SBNO2: variants seen among roughly 807,000 people sequenced by gnomAD.
The protein encoded by SBNO2 is protein strawberry notch homolog 2.
Under a neutral mutation model 146.3 loss-of-function variants are expected in SBNO2, and 89 were observed. The ratio of observed to expected loss-of-function variants is 0.61; its 90% CI spans 0.51 to 0.73. SBNO2 has a LOEUF of 0.73. SBNO2 is among the 30% of genes least tolerant of loss of function. The pLI, the probability that SBNO2 is intolerant of heterozygous loss-of-function variation, is 0.00. For synonymous variants in SBNO2, 1,147 were observed against 892.6 expected (o/e 1.29, Z -5.08); for missense variants, 2,092 against 2,003.7 (o/e 1.04, Z -0.84).
intron 10 of SBNO2, 38 bp downstream of exon 10, chr19:1,122,430 C>G (rs1324368720): frequency 6.5e-7 from 1 of 1,544,650 alleles, no homozygotes; most frequent in Non-Finnish European, 8.7e-7. Context: ...GGGCACGGTC[C>G]CCACCTTGCC....
chr19:1,109,783 G>A lies in SBNO2; in HGVS notation c.3029-6C>T, dbSNP rs760864994. ...CTCGATACCGGGAGCAAGGTCTAGG[G>A]GGGCGGGTGGAGGGTAAGTGGTGTC... is the stretch of plus-strand genomic sequence containing the variant. On this transcript the variant is annotated splice_region_variant and splice_polypyrimidine_tract_variant and intron_variant, in intron 26 of 31. Transcript: ENST00000361757. This position sits in a 1 kb window ranked among gnomAD's most constrained non-coding sequence, Gnocchi z 4.2. The A allele has an allele frequency of 3.2e-6, 5 of 1,577,502 alleles. No individual in the cohort carries two copies. The highest frequency in any genetic ancestry group is 2.3e-5 in the East Asian group (1 of 44,430).
intron 12 of SBNO2, 64 bp from the exon 13 acceptor site, chr19:1,119,685 G>C: frequency 7.1e-7 from 1 of 1,400,092 alleles, no homozygotes; most frequent in Non-Finnish European, 9.9e-7. Context: ...GTCAGGGGAC[G>C]ACTAAGTTGG....
rs1348101346 is a variant in SBNO2, at chr19:1,119,218, C to T, written c.1374-54G>A. On this transcript the variant is annotated intron_variant, in intron 13 of 31. Coordinates refer to ENST00000361757, the MANE Select transcript of SBNO2 (RefSeq NM_014963.3). ...CGGCCAGAGCCCGTGGGGATGGAGCCACTCGGAGCGCGAGGCAGAGCCAGT... is the reference window on the plus strand; with the variant it reads ...CGGCCAGAGCCCGTGGGGATGGAGCTACTCGGAGCGCGAGGCAGAGCCAGT... 4 of 1,547,122 alleles carry T rather than the reference C, an allele frequency of 2.6e-6. No individual in the cohort carries two copies. In the Admixed American group the frequency reaches 5.5e-5, roughly 21 times the overall value.
chr19:1,121,054 G>A (rs1238441701), intron 11 of SBNO2, among the ~76,000 whole-genome samples: 5 of 152,158 alleles, frequency 3.3e-5, no homozygotes, highest in Non-Finnish European at 5.9e-5. Context: ...ACCACGCCCA[G>A]CTAACTTTTG....
chr19:1,122,592 T>TGCCCCCCCCCCCCCCCCCAACCCCCCCC, intron 9 of SBNO2, 34 bp from the exon 10 acceptor site: 1 of 1,455,726 alleles, frequency 6.9e-7, no homozygotes, highest in Middle Eastern at 2.4e-4. Flanking sequence ...CGCCCACCCT[T>TGCCCCCCCCCCCCCCCCCAACCCCCCCC]CCCCCTCGCC....
At chr19:1,145,583 G>T (rs557832168) in intron 4 of SBNO2, among the ~76,000 whole-genome samples, 1 of 152,270 alleles carries the variant, frequency 6.6e-6, no homozygotes, top group South Asian at 2.1e-4. Flanking sequence ...GGCTGACCCA[G>T]GGCTGGGGCT....
At position 1,108,788 on chromosome 19, in the gene SBNO2, T is replaced by C; in HGVS notation, c.3607A>G (p.Lys1203Glu). The C allele has an allele frequency of 6.2e-7, 1 of 1,602,820 alleles. No homozygotes were observed. The highest frequency in any genetic ancestry group is 8.5e-7 in the Non-Finnish European group (1 of 1,178,866). ...IVRLKTKDRK[K>E]QVGIKIPEGC... ...CCCGCCGCCCACTCACCCACTTGCTTCTTCCTGTCCTTGGTCTTCAGCCGC... is the reference window on the plus strand; with the variant it reads ...CCCGCCGCCCACTCACCCACTTGCTCCTTCCTGTCCTTGGTCTTCAGCCGC... Residue 1203 changes from lysine to glutamate, a missense_variant, in exon 31 of 32, where the codon AAG becomes GAG. By Grantham distance (56) the Lys-to-Glu change is moderately conservative (BLOSUM62 1). Coordinates refer to ENST00000361757, the MANE Select transcript of SBNO2 (RefSeq NM_014963.3).
rs1195248134 is a variant in SBNO2, at chr19:1,108,900, G to A, written c.3495C>T (p.Tyr1165=). ...CGCGCAGCAGCGCGCCGCACAGCAT[G>A]TAGTGGTGCCGCAGCCGCAGCCCCT... ...CLQGLRLRHH[Y]MLCGALLRVW... The change falls in exon 31 of 32, where the codon TAC becomes TAT. Residue 1165 remains tyrosine, a synonymous_variant. Transcript: ENST00000361757. 1 of 1,584,422 alleles carries A rather than the reference G, an allele frequency of 6.3e-7. No individual in the cohort carries two copies.
intron 1 of SBNO2, among the ~76,000 whole-genome samples, chr19:1,156,824 G>A (rs1019414851): frequency 7.0e-5 from 10 of 141,908 alleles, no homozygotes; most frequent in East Asian, 2.4e-4. Flanking sequence ...CGTGGGTGCC[G>A]GGCTGGGGCG....
chr19:1,117,616 G>T, intron 14 of SBNO2, 117 bp from the exon 15 acceptor site: 2 of 1,077,700 alleles, frequency 1.9e-6, no homozygotes, highest in Non-Finnish European at 2.6e-6. Flanking sequence ...GGAATTTAGG[G>T]CAGGATGGGG....
chr19:1,159,276 C>T (rs2145327909), intron 1 of SBNO2, among the ~76,000 whole-genome samples: 1 of 151,980 alleles, frequency 6.6e-6, no homozygotes, highest in African/African-American at 2.4e-5. Flanking sequence ...GGGCAGGCCC[C>T]AACTCGGCCG....
intron 18 of SBNO2, among the ~76,000 whole-genome samples, chr19:1,113,919 G>A (rs1243602097): frequency 6.6e-6 from 1 of 152,198 alleles, no homozygotes; most frequent in Non-Finnish European, 1.5e-5. Context: ...TCCTGTCGCG[G>A]ACCAAACACT....
rs1411207349 is a variant in SBNO2, at chr19:1,110,810, G to C, written c.2963C>G (p.Ser988Ter). ...HKQNALFQYF[S>*]DTFDHLIEMD... ...CTCGATGAGGTGGTCGAAGGTGTCT[G>C]AGAAGTACTGGAACAGGGCGTTCTG... The change falls in exon 26 of 32, where the codon TCA becomes TGA. Residue 988 changes from serine to a stop codon, truncating the protein, a stop_gained. Coordinates refer to ENST00000361757, the MANE Select transcript of SBNO2 (RefSeq NM_014963.3). LOFTEE classifies it high-confidence loss of function. This position sits in a 1 kb window ranked among gnomAD's most constrained non-coding sequence, Gnocchi z 4.9. 1 of 1,613,694 alleles carries C rather than the reference G, an allele frequency of 6.2e-7. No homozygotes were observed. Among genetic ancestry groups the C allele is most frequent in the Non-Finnish European group, 8.5e-7 (1 of 1,179,736 alleles).
chr19:1,133,645 C>T (rs965378606), intron 4 of SBNO2, among the ~76,000 whole-genome samples: 3 of 152,312 alleles, frequency 2.0e-5, no homozygotes, highest in East Asian at 1.9e-4. Flanking sequence ...CCAGGCACCC[C>T]GCCCGCCAAT....
chr19:1,141,625 C>T (rs564668332), intron 4 of SBNO2, among the ~76,000 whole-genome samples: 3 of 151,780 alleles, frequency 2.0e-5, no homozygotes, highest in South Asian at 2.1e-4. Context: ...GCGTCCATCA[C>T]GGACAAACAC....
At chr19:1,134,633 G>T (rs1337290259) in intron 4 of SBNO2, among the ~76,000 whole-genome samples, 1 of 152,144 alleles carries the variant, frequency 6.6e-6, no homozygotes, top group Admixed American at 6.5e-5. Context: ...CAGGTTATCA[G>T]GGGGTGGGGA....
rs2079779113 is a variant in SBNO2 at position 1,112,626 on chromosome 19, A to AGGTC, written c.2380-93_2380-90dup. 2.0e-6 allele frequency: 3 copies of AGGTC among 1,470,890 alleles called. No homozygotes were observed. The South Asian group carries it at 4.0e-5, about 20-fold the overall frequency. 91.1% of individuals were successfully genotyped at this position (1,470,890 alleles called of 1,614,324 possible). On this transcript the variant is annotated intron_variant, in intron 20 of 31. Coordinates refer to ENST00000361757, the MANE Select transcript of SBNO2 (RefSeq NM_014963.3). The surrounding 1 kb of genome is among the most constrained non-coding windows in gnomAD (Gnocchi z 5.9). ...TCCTCACCCACTAGGCCCCCGCTCC[A>AGGTC]GGTCACCAGGACGTCCCGGGGCAGC...
At chr19:1,141,087 CGGA>C (rs898171173) in intron 4 of SBNO2, among the ~76,000 whole-genome samples, 12 of 151,546 alleles carry the variant, frequency 7.9e-5, no homozygotes, top group Admixed American at 2.6e-4. Flanking sequence ...AGAGGCACTC[CGGA>C]GAAGACGCGC....
chr19:1,122,600 GCCCCCCGCTTCCGC>G, intron 9 of SBNO2, 42 bp from the exon 10 acceptor site: 8 of 479,592 alleles, frequency 1.7e-5, no homozygotes, highest in Non-Finnish European at 2.2e-5. Context: ...CTTCCCCCTC[GCCCCCCGCTTCCGC>G]CCCCCACCCC....
Sources: gnomAD v4.1 joint callset for allele counts (sites outside exome capture counted in the v4.1 genomes callset) on GRCh38, gnomAD v4.1.1 for gene constraint, Gnocchi (gnomAD v3.1) non-coding constraint, MANE v1.5 for transcripts, NCBI Gene and HGNC (gene_info 2026-07-23, HGNC 2026-07-21) for gene names.